DPH6: variants seen among roughly 807,000 people sequenced by gnomAD.
DPH6 encodes diphthine--ammonia ligase.
DPH6 carries 33 observed loss-of-function variants against 38.2 expected under a neutral mutation model. The ratio of observed to expected loss-of-function variants is 0.86; its 90% CI spans 0.65 to 1.15. The LOEUF is 1.15. Ranked by LOEUF, DPH6 falls within the 50% of genes most tolerant of loss-of-function variation. The pLI is 0.00. For missense variants in DPH6, 325 were observed against 320.0 expected, an observed-to-expected ratio of 1.02 and a Z score of -0.12; for synonymous variants, 108 against 103.0, an observed-to-expected ratio of 1.05 and a Z score of -0.30.
Position 35,261,641 on chromosome 15 carries a change from T to C in DPH6, n.201-41059A>G, listed in dbSNP as rs2051747436. ...TGAGCTCAGGAGTTTGAGACCAGCC[T>C]GGGCAATATAGTGGGACCTCATCTC... On this transcript the variant is annotated intron_variant and non_coding_transcript_variant, in intron 3 of 3. Coordinates refer to the DPH6 transcript ENST00000560386. Among the ~76,000 whole-genome samples, 4 of 152,210 alleles carry C rather than the reference T, an allele frequency of 2.6e-5. No individual in the cohort carries two copies. The South Asian group carries it at 8.3e-4, about 32-fold the overall frequency.
At chr15:35,501,499 C>G (rs1169238053) in intron 3 of DPH6, among the ~76,000 whole-genome samples, 2 of 152,136 alleles carry the variant, frequency 1.3e-5, no homozygotes, top group Non-Finnish European at 2.9e-5. Flanking sequence ...AACTTTTCTT[C>G]AACTTCCTGG....
chr15:35,457,974 C>A (rs1254605800), intron 3 of DPH6, among the ~76,000 whole-genome samples: 1 of 152,152 alleles, frequency 6.6e-6, no homozygotes, highest in East Asian at 1.9e-4. Flanking sequence ...TCCACAGATT[C>A]TCAAGTCCAT....
chr15:35,542,728 A>ATG (rs111490694), intron 1 of DPH6, among the ~76,000 whole-genome samples: 2 of 151,034 alleles, frequency 1.3e-5, no homozygotes, highest in African/African-American at 4.9e-5. Flanking sequence ...ATATATATAT[A>ATG]AGAATATTCT....
At chr15:35,355,387 T>A (rs1010221008) in intron 3 of DPH6, among the ~76,000 whole-genome samples, 1 of 152,230 alleles carries the variant, frequency 6.6e-6, no homozygotes, top group African/African-American at 2.4e-5. Context: ...GCCTCGATGG[T>A]CTTTACAATT....
At chr15:35,284,115 T>C (rs973455865) in intron 3 of DPH6, among the ~76,000 whole-genome samples, 1 of 152,200 alleles carries the variant, frequency 6.6e-6, no homozygotes. Context: ...GATCTGATCA[T>C]CTTCCACAGT....
intron 6 of DPH6, among the ~76,000 whole-genome samples, chr15:35,383,427 T>C (rs989482440): frequency 3.9e-5 from 6 of 152,176 alleles, no homozygotes; most frequent in African/African-American, 1.4e-4. Flanking sequence ...TTTTGAAAAA[T>C]AGTTATTAGC....
At chr15:35,409,222 T>C (rs879210020) in intron 6 of DPH6, among the ~76,000 whole-genome samples, 4 of 151,856 alleles carry the variant, frequency 2.6e-5, no homozygotes, top group Admixed American at 2.6e-4. Flanking sequence ...ATTTCCTATA[T>C]CATGGCTTCT....
intron 6 of DPH6, among the ~76,000 whole-genome samples, chr15:35,387,795 C>T (rs150886657): frequency 0.048 from 7,284 of 152,182 alleles, 211 homozygotes; most frequent in African/African-American, 0.082. Context: ...CAAACAGGGA[C>T]AATTTGACTT....
the DPH6 span, among the ~76,000 whole-genome samples, chr15:35,191,136 T>C: frequency 6.6e-6 from 1 of 152,198 alleles, no homozygotes; most frequent in Non-Finnish European, 1.5e-5. Flanking sequence ...CATTGTTTAA[T>C]GAAGCAAACA....
intron 5 of DPH6, among the ~76,000 whole-genome samples, chr15:35,447,497 G>T (rs1216075178): frequency 2.6e-5 from 4 of 151,810 alleles, no homozygotes; most frequent in African/African-American, 7.3e-5. Flanking sequence ...CCATGATTGG[G>T]CTAACTGGCT....
At chr15:35,297,382 G>C (rs1371930429) in intron 3 of DPH6, among the ~76,000 whole-genome samples, 2 of 145,212 alleles carry the variant, frequency 1.4e-5, no homozygotes, top group Non-Finnish European at 3.0e-5. Context: ...CTGATCTGTT[G>C]AATCTGGTCT....
chr15:35,472,090 T>C (rs1338840644), intron 3 of DPH6, among the ~76,000 whole-genome samples: 1 of 152,114 alleles, frequency 6.6e-6, no homozygotes, highest in Non-Finnish European at 1.5e-5. Context: ...TCCTTATCTC[T>C]AAAAAATAGA....
intron 3 of DPH6, among the ~76,000 whole-genome samples, chr15:35,235,648 T>C (rs536489588): frequency 1.3e-5 from 2 of 152,316 alleles, no homozygotes; most frequent in South Asian, 4.1e-4. Flanking sequence ...GAGTGTGTGT[T>C]TCCCAAAATA....
chr15:35,397,378 A>G (rs147942913), intron 6 of DPH6, among the ~76,000 whole-genome samples: 73 of 152,374 alleles, frequency 4.8e-4, no homozygotes, highest in African/African-American at 1.5e-3. Flanking sequence ...TTAGATGATC[A>G]TAAGAAATCT....
intron 3 of DPH6, chr15:35,299,264 A>G: frequency 9.2e-7 from 1 of 1,087,820 alleles, no homozygotes; most frequent in Non-Finnish European, 1.4e-6. Context: ...TCATCTGAGG[A>G]GCCACCTCGT....
At chr15:35,320,355 G>C (rs925088296) in intron 3 of DPH6, among the ~76,000 whole-genome samples, 4 of 151,896 alleles carry the variant, frequency 2.6e-5, no homozygotes, top group Non-Finnish European at 5.9e-5. Flanking sequence ...TGGACACACT[G>C]TCAGCTGGCT....
intron 3 of DPH6, among the ~76,000 whole-genome samples, chr15:35,271,868 T>C (rs2051824479): frequency 6.6e-6 from 1 of 152,212 alleles, no homozygotes; most frequent in Non-Finnish European, 1.5e-5. Flanking sequence ...TAGCTCAGTG[T>C]TCAAGGGCAT....
intron 5 of DPH6, among the ~76,000 whole-genome samples, chr15:35,438,612 TA>T (rs2053746849): frequency 6.6e-6 from 1 of 152,222 alleles, no homozygotes; most frequent in South Asian, 2.1e-4. Flanking sequence ...ATCCTATAAC[TA>T]TTGGATCTGC....
chr15:35,400,951 G>C (rs2053209930), intron 6 of DPH6: 4 of 1,029,926 alleles, frequency 3.9e-6, no homozygotes, highest in Non-Finnish European at 6.0e-6. Flanking sequence ...GAACCAAAGA[G>C]AGCTGTCTAA....
Sources: gnomAD v4.1 joint callset for allele counts (sites outside exome capture counted in the v4.1 genomes callset) on GRCh38, gnomAD v4.1.1 for gene constraint, MANE v1.5 for transcripts, NCBI Gene and HGNC (gene_info 2026-07-23, HGNC 2026-07-21) for gene names.